Variants in DLGAP1 observed in about 807,000 individuals in gnomAD.
DLGAP1 encodes the protein DLG associated protein 1, also known as disks large-associated protein 1.
In DLGAP1, 11 loss-of-function variants were observed where a neutral mutation model predicts 90.8. The observed-to-expected ratio is 0.12, with a 90% confidence interval of 0.08 to 0.20. DLGAP1 has a LOEUF of 0.20. Ranked by LOEUF, DLGAP1 falls within the 10% of genes least tolerant of loss-of-function variation. The pLI is 1.00. For missense variants in DLGAP1, 1,050 were observed against 1,333.8 expected (o/e 0.79, Z 3.31); for synonymous variants, 558 against 540.7 (o/e 1.03, Z -0.44).
chr18:4,409,548 T>G (rs2082733110), intron 1 of DLGAP1, among the ~76,000 whole-genome samples: 1 of 152,188 alleles, frequency 6.6e-6, no homozygotes, highest in South Asian at 2.1e-4. Flanking sequence ...ACAACGACTT[T>G]AGTTATTTCT....
At chr18:4,220,991 T>A (rs2078063474) in intron 1 of DLGAP1, among the ~76,000 whole-genome samples, 1 of 152,180 alleles carries the variant, frequency 6.6e-6, no homozygotes, top group Non-Finnish European at 1.5e-5. Context: ...ACCTACAGTA[T>A]TCAGTACAGT....
intron 3 of DLGAP1, among the ~76,000 whole-genome samples, chr18:3,997,242 A>T (rs949329410): frequency 9.3e-6 from 1 of 107,878 alleles, no homozygotes; most frequent in African/African-American, 3.7e-5. Flanking sequence ...CAAAAACTGA[A>T]ATGAAAAGGA....
chr18:3,980,327 G>A (rs549274606), intron 3 of DLGAP1, among the ~76,000 whole-genome samples: 1 of 152,210 alleles, frequency 6.6e-6, no homozygotes, highest in Non-Finnish European at 1.5e-5. Context: ...GGACCTGGGA[G>A]GAGCAGCCCA....
At chr18:4,318,067 A>G (rs934574745) in intron 1 of DLGAP1, among the ~76,000 whole-genome samples, 4 of 152,168 alleles carry the variant, frequency 2.6e-5, no homozygotes, top group Non-Finnish European at 5.9e-5. Flanking sequence ...AGGCCTTCTC[A>G]GCCTCTCAAA....
At chr18:3,897,607 G>T (rs189604836) in intron 3 of DLGAP1, among the ~76,000 whole-genome samples, 6,715 of 152,110 alleles carry the variant, frequency 0.044, 441 homozygotes, top group African/African-American at 0.15. Context: ...CATATTAACT[G>T]CCTTCTGTAA....
chr18:4,182,058 C>T lies in DLGAP1; in HGVS notation c.-266-30771G>A, dbSNP rs16946187. On this transcript the variant is annotated intron_variant, in intron 1 of 12. Transcript: ENST00000315677. ...GGAGACCATACCCATCTTTCCAAAGCAGGAGTCGGGAAAGACTTGCTGGTA... is the reference window on the plus strand; with the variant it reads ...GGAGACCATACCCATCTTTCCAAAGTAGGAGTCGGGAAAGACTTGCTGGTA... Among the ~76,000 whole-genome samples the T allele has an allele frequency of 8.4e-3, 1,276 of 152,206 alleles. 19 individuals are homozygous for T. Among genetic ancestry groups the T allele is most frequent in the African/African-American group, 0.03 (1,231 of 41,530 alleles).
intron 10 of DLGAP1, among the ~76,000 whole-genome samples, chr18:3,527,962 C>T (rs1267320420): frequency 6.6e-6 from 1 of 152,034 alleles, no homozygotes; most frequent in Non-Finnish European, 1.5e-5. Flanking sequence ...GTGTACCATT[C>T]GGAGGCATTA....
intron 1 of DLGAP1, among the ~76,000 whole-genome samples, chr18:4,249,143 T>G (rs1287709099): frequency 1.2e-4 from 19 of 152,200 alleles, no homozygotes; most frequent in Admixed American, 1.2e-3. Context: ...CCATATCTTA[T>G]GCCTTATATG....
At chr18:4,323,975 G>C (rs1404329356) in intron 1 of DLGAP1, among the ~76,000 whole-genome samples, 1 of 151,956 alleles carries the variant, frequency 6.6e-6, no homozygotes, top group Non-Finnish European at 1.5e-5. Flanking sequence ...AGAGAAGCAA[G>C]AGCAAACCAA....
intron 7 of DLGAP1, among the ~76,000 whole-genome samples, chr18:3,673,277 C>T (rs1434597812): frequency 6.6e-6 from 1 of 152,182 alleles, no homozygotes; most frequent in Non-Finnish European, 1.5e-5. Context: ...AAACCTATCC[C>T]TCTACTGCAT....
chr18:4,155,335 T>G (rs2076738065), intron 1 of DLGAP1, among the ~76,000 whole-genome samples: 1 of 152,206 alleles, frequency 6.6e-6, no homozygotes, highest in South Asian at 2.1e-4. Context: ...CGCAACAATT[T>G]GCTTTATTTG....
At chr18:3,781,289 T>G (rs571830232) in intron 5 of DLGAP1, among the ~76,000 whole-genome samples, 2 of 152,288 alleles carry the variant, frequency 1.3e-5, no homozygotes, top group South Asian at 4.1e-4. Flanking sequence ...TCCCATAGCA[T>G]GAATATTTCA....
intron 4 of DLGAP1, among the ~76,000 whole-genome samples, chr18:3,843,748 T>A (rs2068849389): frequency 6.6e-6 from 1 of 152,136 alleles, no homozygotes; most frequent in African/African-American, 2.4e-5. Context: ...AATCAAACAT[T>A]TAAGTATAAA....
chr18:3,729,146 T>C lies in DLGAP1; in HGVS notation c.1580A>G (p.Gln527Arg). 6.2e-7 allele frequency: 1 copy of C among 1,611,980 alleles called. No homozygotes were observed. Among genetic ancestry groups the C allele is most frequent in the Non-Finnish European group, 8.5e-7 (1 of 1,179,378 alleles). ...GCCCGCGCACTCACCCGTGCTGCTC[T>C]GGATGGTCCTAACGGTGGTGGTGGT... is the stretch of plus-strand genomic sequence containing the variant. ...PRTTTTVRTI[Q>R]SSTVSSCITT... Residue 527 changes from glutamine to arginine, a missense_variant, in exon 7 of 13, where the codon CAG becomes CGG. Physicochemically the swap from Gln to Arg is conservative, Grantham distance 43. Around this residue, in one of 2 missense-constraint regions of DLGAP1, gnomAD observed 565 missense variants for 879.7 expected, o/e 0.64. Coordinates refer to ENST00000315677, the MANE Select transcript of DLGAP1 (RefSeq NM_004746.4). This position sits in a 1 kb window ranked among gnomAD's most constrained non-coding sequence, Gnocchi z 6.2.
At chr18:3,632,757 T>C (rs969625249) in intron 7 of DLGAP1, among the ~76,000 whole-genome samples, 1 of 152,104 alleles carries the variant, frequency 6.6e-6, no homozygotes, top group Admixed American at 6.6e-5. Context: ...GAAAAAGTCT[T>C]TTTTTTTCTG....
intron 3 of DLGAP1, among the ~76,000 whole-genome samples, chr18:3,902,874 T>C (rs2071814155): frequency 6.6e-6 from 1 of 152,058 alleles, no homozygotes; most frequent in Non-Finnish European, 1.5e-5. Flanking sequence ...TTCCTCTCAG[T>C]GGGAAGCCCT....
At position 4,251,331 on chromosome 18, in the gene DLGAP1, C is replaced by T. The variant is rs1411945338; in HGVS notation, c.-266-100044G>A. Among the ~76,000 whole-genome samples, 3 of 152,050 alleles carry T rather than the reference C, an allele frequency of 2.0e-5. No homozygotes were observed. The South Asian group carries it at 6.2e-4, about 32-fold the overall frequency. The stretch of plus-strand genomic sequence containing the variant: ...AAGGTCTGTCAGAGCTCATTTAGTC[C>T]AAGAACTTGACTTTACAGATGGAAG... On this transcript the variant is annotated intron_variant, in intron 1 of 12. Transcript: ENST00000315677.
intron 3 of DLGAP1, among the ~76,000 whole-genome samples, chr18:3,990,503 G>A: frequency 7.5e-6 from 1 of 134,018 alleles, no homozygotes; most frequent in African/African-American, 2.7e-5. Context: ...GGAGGGGGGA[G>A]GGATAGCATT....
At chr18:4,099,832 T>C (rs1216645532) in intron 2 of DLGAP1, among the ~76,000 whole-genome samples, 1 of 152,040 alleles carries the variant, frequency 6.6e-6, no homozygotes, top group African/African-American at 2.4e-5. Context: ...GCCTCCCTAG[T>C]AGCTGGGACT....
Sources: allele counts gnomAD v4.1 joint callset (sites outside exome capture counted in the v4.1 genomes callset), GRCh38; gene constraint gnomAD v4.1.1; regional missense constraint gnomAD v4.1.1; non-coding constraint Gnocchi (gnomAD v3.1); transcripts MANE v1.5; gene names NCBI Gene and HGNC (gene_info 2026-07-23, HGNC 2026-07-21).